Variants in LHFPL6 observed in about 807,000 individuals in gnomAD.
The protein encoded by LHFPL6 is LHFPL tetraspan subfamily member 6 protein.
LHFPL6 carries 9 observed loss-of-function variants against 20.6 expected under a neutral mutation model. The ratio of observed to expected loss-of-function variants is 0.44; its 90% CI spans 0.26 to 0.76. The LOEUF (loss-of-function observed/expected upper bound fraction) is 0.76, where lower values mean the gene tolerates loss of function less well. LHFPL6 is among the 30% of genes least tolerant of loss of function. The pLI is 0.20. For synonymous variants in LHFPL6, 105 were observed against 98.7 expected (o/e 1.06, Z -0.38); for missense variants, 218 against 253.5 (o/e 0.86, Z 0.95).
At chr13:39,379,812 A>C (rs1198369525) in intron 2 of LHFPL6, among the ~76,000 whole-genome samples, 1 of 152,184 alleles carries the variant, frequency 6.6e-6, no homozygotes, top group Non-Finnish European at 1.5e-5. Context: ...TGCTTTCCCC[A>C]GTCTGCCCCT....
chr13:39,417,842 C>T (rs1871384334), intron 2 of LHFPL6, among the ~76,000 whole-genome samples: 2 of 152,076 alleles, frequency 1.3e-5, no homozygotes, highest in Admixed American at 6.5e-5. Flanking sequence ...GGCCCTGTGT[C>T]TGAGTATGAT....
intron 2 of LHFPL6, among the ~76,000 whole-genome samples, chr13:39,472,280 T>G (rs1382511870): frequency 6.6e-6 from 1 of 152,130 alleles, no homozygotes; most frequent in Non-Finnish European, 1.5e-5. Flanking sequence ...TTCCATCCAA[T>G]CCGAGATGCC....
At chr13:39,581,785 C>A (rs1172316235) in intron 2 of LHFPL6, among the ~76,000 whole-genome samples, 2 of 152,072 alleles carry the variant, frequency 1.3e-5, no homozygotes, top group Non-Finnish European at 2.9e-5. Flanking sequence ...GGTCCACCAG[C>A]GTAGTAACTG....
At chr13:39,569,148 T>TGGATGGATGGATGGACGGACGGACGGAC (rs71080313) in intron 2 of LHFPL6, among the ~76,000 whole-genome samples, 7 of 144,396 alleles carry the variant, frequency 4.8e-5, no homozygotes, top group Non-Finnish European at 9.2e-5. Flanking sequence ...GATGGATGGA[T>TGGATGGATGGATGGACGGACGGACGGAC]GGACGGACGG....
At chr13:39,510,784 A>G (rs1197674512) in intron 2 of LHFPL6, among the ~76,000 whole-genome samples, 1 of 152,254 alleles carries the variant, frequency 6.6e-6, no homozygotes, top group Non-Finnish European at 1.5e-5. Context: ...AAAATAAAAC[A>G]AAAAATAATT....
intron 2 of LHFPL6, among the ~76,000 whole-genome samples, chr13:39,545,105 G>A (rs779097046): frequency 2.0e-5 from 3 of 151,816 alleles, no homozygotes; most frequent in Non-Finnish European, 4.4e-5. Flanking sequence ...AATTAGCTGG[G>A]CGTGGGGACG....
chr13:39,379,583 G>C (rs540228252), intron 2 of LHFPL6, among the ~76,000 whole-genome samples: 1 of 152,122 alleles, frequency 6.6e-6, no homozygotes, highest in Admixed American at 6.6e-5. Context: ...AGTCCCTTCC[G>C]GGCCGTCTTT....
At position 39,342,957 on chromosome 13, in the gene LHFPL6, T is replaced by C. The variant is rs1269983508; in HGVS notation, c.*979A>G. The C allele has an allele frequency of 5.4e-6, 1 of 184,138 alleles. No homozygotes were observed. Among genetic ancestry groups the C allele is most frequent in the African/African-American group, 2.3e-5 (1 of 42,622 alleles). The allele number at this position is 184,138 out of a possible 1,614,324, so 11.4% of individuals were successfully genotyped here. A position where few individuals can be genotyped will look rare whatever the true frequency, so the allele number is the denominator to read the frequency against. On this transcript the variant is annotated 3_prime_UTR_variant, in exon 4 of 4. Coordinates refer to ENST00000379589, the MANE Select transcript of LHFPL6 (RefSeq NM_005780.3). The stretch of plus-strand genomic sequence containing the variant: ...TACAAACAAAATAGCACTTTTAAAT[T>C]TTTTACAAAATGAATATAGAAATAA...
chr13:39,523,547 GAAAAAA>G (rs10588059), intron 2 of LHFPL6, among the ~76,000 whole-genome samples: 1 of 129,996 alleles, frequency 7.7e-6, no homozygotes, highest in Non-Finnish European at 1.6e-5. Flanking sequence ...GTCTCAAAAG[GAAAAAA>G]AAAAAAAAAA....
intron 3 of LHFPL6, among the ~76,000 whole-genome samples, chr13:39,377,988 C>T (rs1215582847): frequency 6.6e-6 from 1 of 152,216 alleles, no homozygotes; most frequent in Non-Finnish European, 1.5e-5. Context: ...GAACTCCATT[C>T]TCACCTCTTT....
At chr13:39,535,695 A>G (rs987018180) in intron 2 of LHFPL6, among the ~76,000 whole-genome samples, 2 of 152,226 alleles carry the variant, frequency 1.3e-5, no homozygotes, top group Non-Finnish European at 2.9e-5. Context: ...ACCTACATAG[A>G]CATGTGTGCT....
At chr13:39,437,877 G>A (rs2138411034) in intron 2 of LHFPL6, among the ~76,000 whole-genome samples, 1 of 151,014 alleles carries the variant, frequency 6.6e-6, no homozygotes, top group Non-Finnish European at 1.5e-5. Flanking sequence ...ACTCCAGCCT[G>A]GGTGACAGAG....
intron 2 of LHFPL6, among the ~76,000 whole-genome samples, chr13:39,404,497 C>T (rs1053325980): frequency 6.6e-6 from 1 of 152,170 alleles, no homozygotes; most frequent in South Asian, 2.1e-4. Context: ...TTCAAAAATC[C>T]CAATGCCCAG....
intron 2 of LHFPL6, among the ~76,000 whole-genome samples, chr13:39,378,848 T>C (rs1870364674): frequency 6.6e-6 from 1 of 152,232 alleles, no homozygotes; most frequent in East Asian, 1.9e-4. Flanking sequence ...AATTCCACCA[T>C]TAATCCATGC....
chr13:39,464,499 C>A (rs1001865828), intron 2 of LHFPL6, among the ~76,000 whole-genome samples: 1 of 152,176 alleles, frequency 6.6e-6, no homozygotes, highest in African/African-American at 2.4e-5. Flanking sequence ...CAGTAGTTAA[C>A]TCTCCATGAG....
intron 3 of LHFPL6, among the ~76,000 whole-genome samples, chr13:39,359,035 G>C (rs532075502): frequency 2.0e-5 from 3 of 150,872 alleles, no homozygotes; most frequent in African/African-American, 7.4e-5. Flanking sequence ...CAGGGCGGGC[G>C]CCTGTAATCC....
chr13:39,356,140 A>G (rs1234807163), intron 3 of LHFPL6, among the ~76,000 whole-genome samples: 2 of 152,244 alleles, frequency 1.3e-5, no homozygotes, highest in Non-Finnish European at 2.9e-5. Flanking sequence ...GCACGTCTCA[A>G]TAAATTTTTA....
At chr13:39,405,320 C>G (rs548172138) in intron 2 of LHFPL6, among the ~76,000 whole-genome samples, 17 of 152,286 alleles carry the variant, frequency 1.1e-4, no homozygotes, top group African/African-American at 3.1e-4. Context: ...AGTCAGCAGC[C>G]TTTTGTTTAT....
At chr13:39,442,400 A>C (rs1872164707) in intron 2 of LHFPL6, among the ~76,000 whole-genome samples, 1 of 152,220 alleles carries the variant, frequency 6.6e-6, no homozygotes, top group South Asian at 2.1e-4. Flanking sequence ...ACATTGCCCC[A>C]AACAAGTTTC....
Sources: gnomAD v4.1 joint callset for allele counts (sites outside exome capture counted in the v4.1 genomes callset) on GRCh38, gnomAD v4.1.1 for gene constraint, MANE v1.5 for transcripts, NCBI Gene and HGNC (gene_info 2026-07-23, HGNC 2026-07-21) for gene names.